Variants in VSTM1 observed in about 807,000 individuals in gnomAD.
VSTM1 encodes V-set and transmembrane domain-containing protein 1.
A neutral mutation model predicts 33.1 loss-of-function variants in VSTM1; 27 were observed. The observed-to-expected ratio is 0.82, with a 90% confidence interval of 0.60 to 1.12. The LOEUF (loss-of-function observed/expected upper bound fraction) is 1.12. VSTM1 is among the 50% of genes most tolerant of loss of function. VSTM1 has a pLI of 0.00. For missense variants in VSTM1, 304 were observed against 288.9 expected (o/e 1.05, Z -0.38); for synonymous variants, 115 against 110.3 (o/e 1.04, Z -0.27).
chr19:54,044,801 G>T (rs977243447), intron 4 of VSTM1, among the ~76,000 whole-genome samples: 4 of 152,188 alleles, frequency 2.6e-5, no homozygotes, highest in African/African-American at 9.7e-5. Context: ...CGTTGAGGAA[G>T]AGAGAGCAAC....
intron 1 of VSTM1, among the ~76,000 whole-genome samples, chr19:54,061,890 T>G (rs114648138): frequency 0.012 from 1,899 of 152,126 alleles, 34 homozygotes; most frequent in African/African-American, 0.043. Context: ...GAGCGCTGGC[T>G]CACGCCTGTA....
At chr19:54,044,063 C>A (rs1045678122) in intron 4 of VSTM1, among the ~76,000 whole-genome samples, 16 of 152,082 alleles carry the variant, frequency 1.1e-4, no homozygotes, top group Admixed American at 3.3e-4. Context: ...GACCACCACG[C>A]CCAGCCAACT....
intron 4 of VSTM1, 137 bp from the exon 5 acceptor site, chr19:54,042,506 C>T (rs2070341574): frequency 7.6e-7 from 1 of 1,309,568 alleles, no homozygotes; most frequent in East Asian, 2.5e-5. Context: ...GCTGGAACTT[C>T]CTATTGCTTT....
At chr19:54,043,797 T>A (rs1202630458) in intron 4 of VSTM1, among the ~76,000 whole-genome samples, 2 of 152,160 alleles carry the variant, frequency 1.3e-5, no homozygotes, top group African/African-American at 4.8e-5. Flanking sequence ...TCAAACATAT[T>A]TCCTTTTTCT....
chr19:54,047,861 G>C (rs10415777), intron 4 of VSTM1, among the ~76,000 whole-genome samples: 1 of 151,600 alleles, frequency 6.6e-6, no homozygotes, highest in Non-Finnish European at 1.5e-5. Context: ...CTGGCCAAAT[G>C]TTGCATCAGT....
At chr19:54,060,088 G>A (rs535581385) in intron 1 of VSTM1, among the ~76,000 whole-genome samples, 8 of 151,160 alleles carry the variant, frequency 5.3e-5, no homozygotes, top group South Asian at 2.1e-4. Context: ...TCCTGACCTC[G>A]TGATCCACCC....
In VSTM1 at chr19:54,058,737, A is replaced by G; in HGVS notation, c.35-5T>C. The G allele has an allele frequency of 6.2e-7, 1 of 1,613,788 alleles. No individual in the cohort carries two copies. Among genetic ancestry groups the G allele is most frequent in the Non-Finnish European group, 8.5e-7 (1 of 1,179,992 alleles). ...CTTCGTAGCCCAGACACAGCCCTGG[A>G]AGAGAAATCTCAATGAGAGAAAAAT... On this transcript the variant is annotated splice_region_variant and splice_polypyrimidine_tract_variant and intron_variant, in intron 1 of 8. Coordinates refer to ENST00000338372, the MANE Select transcript of VSTM1 (RefSeq NM_198481.4).
At chr19:54,054,028 G>T (rs920552507) in intron 3 of VSTM1, among the ~76,000 whole-genome samples, 1 of 141,180 alleles carries the variant, frequency 7.1e-6, no homozygotes, top group Non-Finnish European at 1.6e-5. Context: ...ATTTTTTTTT[G>T]TAATGGAAGC....
intron 4 of VSTM1, among the ~76,000 whole-genome samples, chr19:54,046,924 G>T (rs1429917851): frequency 2.6e-5 from 4 of 152,132 alleles, no homozygotes; most frequent in African/African-American, 4.8e-5. Context: ...AGCCAGGCGT[G>T]GTGGCTCACA....
In VSTM1 at chr19:54,041,767, G is replaced by T. The variant is rs773359897; in HGVS notation, c.591+12C>A. The T allele has an allele frequency of 9.3e-6, 15 of 1,612,288 alleles. No homozygotes were observed. The highest frequency in any genetic ancestry group is 1.3e-5 in the Non-Finnish European group (15 of 1,179,564). On this transcript the variant is annotated intron_variant, in intron 8 of 8. Coordinates refer to ENST00000338372, the MANE Select transcript of VSTM1 (RefSeq NM_198481.4). ...GGGAGCTCTTGTGGGACTCCTAAGC[G>T]GGAGGACTCACCGAGAGAGATACCC...
intron 3 of VSTM1, among the ~76,000 whole-genome samples, chr19:54,052,136 C>A (rs1038408972): frequency 6.6e-6 from 1 of 151,974 alleles, no homozygotes; most frequent in East Asian, 1.9e-4. Flanking sequence ...CAGTGGCTCA[C>A]GCCTGTAATC....
chr19:54,046,347 G>T (rs2146058385), intron 4 of VSTM1, among the ~76,000 whole-genome samples: 1 of 152,252 alleles, frequency 6.6e-6, no homozygotes, highest in South Asian at 2.1e-4. Flanking sequence ...CTTTGTAAAT[G>T]TTCCCTTCCC....
At chr19:54,051,613 A>G (rs2070845172) in intron 3 of VSTM1, among the ~76,000 whole-genome samples, 165 bp from the exon 4 acceptor site, 1 of 152,164 alleles carries the variant, frequency 6.6e-6, no homozygotes. Flanking sequence ...GAGCATGGAC[A>G]GAGCCTCAGA....
At chr19:54,048,791 A>T (rs1034592283) in intron 4 of VSTM1, among the ~76,000 whole-genome samples, 1 of 152,014 alleles carries the variant, frequency 6.6e-6, no homozygotes, top group Non-Finnish European at 1.5e-5. Flanking sequence ...TGTCCATCAA[A>T]AGAAGAACGG....
Position 54,063,723 on chromosome 19 carries a change from G to A in VSTM1, c.34+21C>T, listed in dbSNP as rs548019696. 1.1e-5 allele frequency: 17 copies of A among 1,613,332 alleles called. No individual in the cohort carries two copies. In the South Asian group the frequency reaches 1.6e-4, roughly 16 times the overall value. ...TTTTCTCACCAGCCCAAGCCCATTC[G>A]TCCCAGTCCTGGAGACTCACCGAGG... On this transcript the variant is annotated intron_variant, in intron 1 of 8. Coordinates refer to ENST00000338372, the MANE Select transcript of VSTM1 (RefSeq NM_198481.4).
chr19:54,047,882 T>G (rs2070671557), intron 4 of VSTM1, among the ~76,000 whole-genome samples: 1 of 152,148 alleles, frequency 6.6e-6, no homozygotes. Flanking sequence ...ATTTGCAAAT[T>G]GCCAGAATAA....
intron 8 of VSTM1, 104 bp downstream of exon 8, chr19:54,041,675 T>G: frequency 7.9e-7 from 1 of 1,260,730 alleles, no homozygotes; most frequent in Non-Finnish European, 1.1e-6. Flanking sequence ...ACCACATGCG[T>G]GATAAACAGT....
chr19:54,054,531 A>C (rs2070991034), intron 3 of VSTM1, among the ~76,000 whole-genome samples: 1 of 142,762 alleles, frequency 7.0e-6, no homozygotes, highest in Non-Finnish European at 1.5e-5. Flanking sequence ...TGATGACTGT[A>C]AAGTCTCTCC....
chr19:54,049,856 T>C (rs1250567606), intron 4 of VSTM1, among the ~76,000 whole-genome samples: 1 of 152,096 alleles, frequency 6.6e-6, no homozygotes, highest in East Asian at 1.9e-4. Flanking sequence ...TTGGAGTAGG[T>C]TGCAGGAAGA....
Sources: gnomAD v4.1 joint callset for allele counts (sites outside exome capture counted in the v4.1 genomes callset) on GRCh38, gnomAD v4.1.1 for gene constraint, MANE v1.5 for transcripts, NCBI Gene and HGNC (gene_info 2026-07-23, HGNC 2026-07-21) for gene names.